Variants in NALF1 observed in about 807,000 individuals in gnomAD.
NALF1 encodes family with sequence similarity 155 member A.
Under a neutral mutation model 48.4 loss-of-function variants are expected in NALF1, and 3 were observed. The ratio of observed to expected loss-of-function variants is 0.06; its 90% CI spans 0.03 to 0.16. The LOEUF (loss-of-function observed/expected upper bound fraction) is 0.16, where lower values mean the gene tolerates loss of function less well. Ranked by LOEUF, NALF1 falls within the 10% of genes least tolerant of loss-of-function variation. The pLI, the probability that NALF1 is intolerant of heterozygous loss-of-function variation, is 1.00. For missense variants in NALF1, 526 were observed against 571.5 expected (o/e 0.92, Z 0.81); for synonymous variants, 262 against 245.7 (o/e 1.07, Z -0.62).
At chr13:107,255,664 C>T (rs558680492) in intron 1 of NALF1, among the ~76,000 whole-genome samples, 11 of 152,244 alleles carry the variant, frequency 7.2e-5, no homozygotes, top group African/African-American at 1.7e-4. Context: ...CAAGTATATA[C>T]ATTATATACA....
chr13:107,728,911 G>A lies in NALF1; in HGVS notation c.915+136771C>T, dbSNP rs188535464. 4.6e-5 allele frequency among the ~76,000 whole-genome samples: 7 copies of A among 152,276 alleles called. No homozygotes were observed. In the East Asian group the frequency reaches 1.4e-3, roughly 29 times the overall value. On this transcript the variant is annotated intron_variant, in intron 1 of 2. Transcript: ENST00000375915. ...AGACATCTGCTGAACTAGCTACAAC[G>A]AGAGAGAAAGATAAAGCCATGCAAT...
At chr13:107,532,287 G>A (rs1161385896) in intron 1 of NALF1, among the ~76,000 whole-genome samples, 1 of 152,046 alleles carries the variant, frequency 6.6e-6, no homozygotes, top group Non-Finnish European at 1.5e-5. Flanking sequence ...TGTAAAACAT[G>A]CTTCTATCTA....
intron 1 of NALF1, among the ~76,000 whole-genome samples, chr13:107,311,459 C>G (rs1027086497): frequency 6.6e-6 from 1 of 151,906 alleles, no homozygotes; most frequent in Non-Finnish European, 1.5e-5. Flanking sequence ...TTTTTGTATA[C>G]AGAGGTTTAC....
intron 1 of NALF1, among the ~76,000 whole-genome samples, chr13:107,218,612 A>AAAACAAAC (rs10656451): frequency 6.6e-6 from 1 of 151,374 alleles, no homozygotes; most frequent in Non-Finnish European, 1.5e-5. Flanking sequence ...GCCGAAAACA[A>AAAACAAAC]AAACAAACAA....
intron 1 of NALF1, among the ~76,000 whole-genome samples, chr13:107,495,358 T>C (rs1875294732): frequency 6.6e-6 from 1 of 152,202 alleles, no homozygotes; most frequent in South Asian, 2.1e-4. Context: ...GTCATCATCT[T>C]GATTTCTATG....
At chr13:107,408,869 G>C (rs1883943905) in intron 1 of NALF1, among the ~76,000 whole-genome samples, 1 of 152,114 alleles carries the variant, frequency 6.6e-6, no homozygotes, top group African/African-American at 2.4e-5. Flanking sequence ...ATAAAAATCA[G>C]AACCAACCTT....
chr13:107,734,523 A>C (rs900089648), intron 1 of NALF1, among the ~76,000 whole-genome samples: 1 of 152,120 alleles, frequency 6.6e-6, no homozygotes, highest in African/African-American at 2.4e-5. Context: ...TTTATAAATA[A>C]GTCCTCCTAA....
chr13:107,485,032 T>C (rs1329775672), intron 1 of NALF1, among the ~76,000 whole-genome samples: 1 of 152,156 alleles, frequency 6.6e-6, no homozygotes, highest in Admixed American at 6.5e-5. Context: ...CAGGACATGA[T>C]AGCCTCATAA....
chr13:107,636,836 C>T (rs1356934860), intron 1 of NALF1, among the ~76,000 whole-genome samples: 1 of 150,506 alleles, frequency 6.6e-6, no homozygotes, highest in African/African-American at 2.4e-5. Context: ...AAACCTGATC[C>T]ATTGATTTAA....
At chr13:107,772,796 G>GAA (rs923150827) in intron 1 of NALF1, among the ~76,000 whole-genome samples, 16 of 152,220 alleles carry the variant, frequency 1.1e-4, no homozygotes, top group South Asian at 6.2e-4. Flanking sequence ...CTATGTGAGA[G>GAA]AAACACTTAT....
In NALF1 at chr13:107,438,838, AAAAAAAAAAAAAAGAAT is replaced by A. The variant is rs1231086012; in HGVS notation, c.916-228100_916-228084del. Among the ~76,000 whole-genome samples, 14 of 147,448 alleles carry A rather than the reference AAAAAAAAAAAAAAGAAT, an allele frequency of 9.5e-5. No homozygotes were observed. In the South Asian group the frequency reaches 1.5e-3, roughly 16 times the overall value. Reference sequence around the variant, plus strand: ...GTGAGACTCCATCTCAAAAAAAAAAAAAAAAAAAAAAAAGAATAATATAAAGGGTGTCGATGTTTGAT... The same window carrying A: ...GTGAGACTCCATCTCAAAAAAAAAAAAATATAAAGGGTGTCGATGTTTGAT... On this transcript the variant is annotated intron_variant, in intron 1 of 2. Coordinates refer to ENST00000375915, the MANE Select transcript of NALF1 (RefSeq NM_001080396.3).
chr13:107,255,887 A>G (rs1880804201), intron 1 of NALF1, among the ~76,000 whole-genome samples: 1 of 152,158 alleles, frequency 6.6e-6, no homozygotes, highest in African/African-American at 2.4e-5. Flanking sequence ...GAATCTTATC[A>G]ATGGATGAAC....
At chr13:107,834,456 A>T (rs1030975830) in intron 1 of NALF1, among the ~76,000 whole-genome samples, 2 of 152,238 alleles carry the variant, frequency 1.3e-5, no homozygotes, top group Admixed American at 6.5e-5. Context: ...TGAATGAATC[A>T]TGCCTTTATT....
At chr13:107,643,366 G>C (rs1880214827) in intron 1 of NALF1, among the ~76,000 whole-genome samples, 1 of 152,122 alleles carries the variant, frequency 6.6e-6, no homozygotes. Context: ...AGCGAGGAGG[G>C]CTAGCAACCA....
chr13:107,426,658 G>C (rs1194297161), intron 1 of NALF1, among the ~76,000 whole-genome samples: 3 of 152,104 alleles, frequency 2.0e-5, no homozygotes, highest in Admixed American at 2.0e-4. Flanking sequence ...TCCATAAATT[G>C]CTTGTATATA....
intron 1 of NALF1, among the ~76,000 whole-genome samples, chr13:107,734,409 AACACAC>A (rs35161339): frequency 1.3e-5 from 2 of 149,212 alleles, no homozygotes; most frequent in African/African-American, 5.0e-5. Flanking sequence ...TTTAAAAAAA[AACACAC>A]ACACACACAC....
intron 1 of NALF1, among the ~76,000 whole-genome samples, chr13:107,757,557 A>G (rs1367536077): frequency 6.6e-6 from 1 of 152,070 alleles, no homozygotes; most frequent in East Asian, 1.9e-4. Flanking sequence ...TGGTTAATAT[A>G]AACAGTGGTA....
At chr13:107,318,599 G>A (rs1882195410) in intron 1 of NALF1, among the ~76,000 whole-genome samples, 1 of 152,046 alleles carries the variant, frequency 6.6e-6, no homozygotes, top group Non-Finnish European at 1.5e-5. Context: ...CACGTATTGT[G>A]GTGGGACTAG....
intron 1 of NALF1, among the ~76,000 whole-genome samples, chr13:107,256,443 T>C (rs960456191): frequency 2.0e-5 from 3 of 152,208 alleles, no homozygotes; most frequent in African/African-American, 7.2e-5. Flanking sequence ...CTTTAAGTGA[T>C]GGAGAAAATG....
Sources: gnomAD v4.1 joint callset for allele counts (sites outside exome capture counted in the v4.1 genomes callset) on GRCh38, gnomAD v4.1.1 for gene constraint, MANE v1.5 for transcripts, NCBI Gene and HGNC (gene_info 2026-07-23, HGNC 2026-07-21) for gene names.